The following TTC7A variants were observed in gnomAD, a reference collection of about 807,000 sequenced individuals.
TTC7A encodes tetratricopeptide repeat protein 7A.
A neutral mutation model predicts 103.7 loss-of-function variants in TTC7A; 110 were observed. That is an observed-to-expected ratio of 1.06 (90% CI 0.91 to 1.24). TTC7A has a LOEUF of 1.24. Among genes scored for constraint, TTC7A ranks in the 50% most tolerant of loss-of-function variants. The pLI is 0.00. For synonymous variants in TTC7A, 521 were observed against 467.9 expected, an observed-to-expected ratio of 1.11 and a Z score of -1.47; for missense variants, 1,340 against 1,116.3, an observed-to-expected ratio of 1.20 and a Z score of -2.86.
intron 2 of TTC7A, among the ~76,000 whole-genome samples, chr2:46,953,966 C>G (rs1158485918): frequency 6.6e-6 from 1 of 152,048 alleles, no homozygotes; most frequent in Non-Finnish European, 1.5e-5. Context: ...CCCTGCCAAG[C>G]TCCATCTCTT....
chr2:47,010,881 G>C (rs1677972069), intron 10 of TTC7A, among the ~76,000 whole-genome samples: 2 of 152,222 alleles, frequency 1.3e-5, no homozygotes, highest in African/African-American at 4.8e-5. Context: ...TGTATTTTTA[G>C]TAGAGACGGG....
intron 14 of TTC7A, among the ~76,000 whole-genome samples, chr2:47,027,295 A>G (rs139930190): frequency 2.0e-5 from 3 of 152,296 alleles, no homozygotes; most frequent in Admixed American, 6.5e-5. Flanking sequence ...CTGGACCCAC[A>G]GCACAAGGAG....
At chr2:47,004,484 G>T (rs939054025) in intron 8 of TTC7A, among the ~76,000 whole-genome samples, 2 of 152,198 alleles carry the variant, frequency 1.3e-5, no homozygotes, top group East Asian at 1.9e-4. Flanking sequence ...GGATGGGGTA[G>T]CTCTGATGAG....
intron 15 of TTC7A, among the ~76,000 whole-genome samples, chr2:47,044,962 G>T (rs1221460604): frequency 6.6e-6 from 1 of 152,228 alleles, no homozygotes; most frequent in African/African-American, 2.4e-5. Context: ...GGCCTCACCG[G>T]GTGGCACCTG....
intron 1 of TTC7A, among the ~76,000 whole-genome samples, chr2:46,944,443 A>G (rs1250536028): frequency 7.6e-6 from 1 of 131,110 alleles, no homozygotes; most frequent in African/African-American, 3.0e-5. Context: ...TCAGTGGTAT[A>G]ATTATAGCTT....
intron 15 of TTC7A, chr2:47,045,483 T>A (rs918028665): frequency 2.0e-5 from 3 of 152,214 alleles, no homozygotes; most frequent in African/African-American, 7.2e-5. Flanking sequence ...TCTCAACCAT[T>A]CTAAGGGCCA....
intron 8 of TTC7A, chr2:46,999,445 C>G: frequency 1.0e-6 from 1 of 980,178 alleles, no homozygotes; most frequent in Non-Finnish European, 1.2e-6. Context: ...ATCCATTCAT[C>G]TGTCTATCCA....
chr2:46,934,768 A>AGGTAT (rs1487854491), intron 2 of TTC7A, among the ~76,000 whole-genome samples: 5 of 148,784 alleles, frequency 3.4e-5, no homozygotes, highest in African/African-American at 1.2e-4. Context: ...TCCTGGAATA[A>AGGTAT]GGTATGAAGA....
At chr2:46,956,625 A>G (rs1558506236) in intron 2 of TTC7A, 1 of 583,322 alleles carries the variant, frequency 1.7e-6, no homozygotes, top group Non-Finnish European at 3.1e-6. Context: ...TTAGGGACTC[A>G]TAGGAGAATT....
chr2:46,982,766 C>A (rs985399501), intron 5 of TTC7A, among the ~76,000 whole-genome samples: 7 of 152,118 alleles, frequency 4.6e-5, no homozygotes, highest in African/African-American at 1.7e-4. Context: ...AAGTTTGAGA[C>A]CAGCCTGGAC....
Position 47,073,951 on chromosome 2 carries a change from G to T in TTC7A, c.*28G>T. 6.3e-7 allele frequency: 1 copy of T among 1,586,558 alleles called. No homozygotes were observed. Among genetic ancestry groups the T allele is most frequent in the Non-Finnish European group, 8.6e-7 (1 of 1,162,788 alleles). On this transcript the variant is annotated 3_prime_UTR_variant, in exon 20 of 20. Transcript: ENST00000319190. Reference sequence around the variant, plus strand: ...ACGCTGCAGCCGCAGGGAGGGAGGGGCTGGCCAGAGGGAGAGGCAGCAGGG... The same window carrying T: ...ACGCTGCAGCCGCAGGGAGGGAGGGTCTGGCCAGAGGGAGAGGCAGCAGGG...
At position 47,060,413 on chromosome 2, in the gene TTC7A, G is replaced by T. The variant is rs537438556; in HGVS notation, c.2153-356G>T. Among the ~76,000 whole-genome samples the T allele has an allele frequency of 9.2e-5, 14 of 152,216 alleles. No homozygotes were observed. The South Asian group carries it at 1.5e-3, about 16-fold the overall frequency. Reference sequence around the variant, plus strand: ...TTTTTTAAAAAAAAGGCTGCAGTGAGCCATGGTCATACCAGTGCACTCCAG... The same window carrying T: ...TTTTTTAAAAAAAAGGCTGCAGTGATCCATGGTCATACCAGTGCACTCCAG... On this transcript the variant is annotated intron_variant, in intron 18 of 19. Coordinates refer to ENST00000319190, the MANE Select transcript of TTC7A (RefSeq NM_020458.4).
chr2:46,963,714 C>T (rs756869727), intron 3 of TTC7A, among the ~76,000 whole-genome samples: 4 of 151,216 alleles, frequency 2.6e-5, no homozygotes, highest in Non-Finnish European at 4.4e-5. Flanking sequence ...AGCAGCATGG[C>T]ATCAGGCATA....
upstream of TTC7A, among the ~76,000 whole-genome samples, chr2:46,937,089 C>G (rs1172283440): frequency 1.3e-5 from 2 of 152,120 alleles, no homozygotes; most frequent in African/African-American, 4.8e-5. The surrounding 1 kb of genome is among the most constrained non-coding windows in gnomAD (Gnocchi z 4.0). Flanking sequence ...CTCCTGAGCT[C>G]AAGTGATCTG....
At chr2:47,047,967 G>A (rs1682497624) in intron 16 of TTC7A, among the ~76,000 whole-genome samples, 1 of 152,096 alleles carries the variant, frequency 6.6e-6, no homozygotes, top group South Asian at 2.1e-4. Flanking sequence ...TACACTGAGG[G>A]TAGAATCTAG....
At chr2:46,959,604 C>T (rs1424067423) in intron 3 of TTC7A, among the ~76,000 whole-genome samples, 1 of 152,162 alleles carries the variant, frequency 6.6e-6, no homozygotes, top group Non-Finnish European at 1.5e-5. Flanking sequence ...TCTTCGCCCC[C>T]ACCCTCAAAA....
chr2:46,946,106 G>A (rs987363705), intron 1 of TTC7A, among the ~76,000 whole-genome samples: 19 of 152,218 alleles, frequency 1.2e-4, no homozygotes, highest in African/African-American at 4.1e-4. Flanking sequence ...GGGGCTATAA[G>A]GAAGGTGGGC....
In TTC7A at chr2:47,060,786, C is replaced by G. The variant is rs140166160; in HGVS notation, c.2170C>G (p.Gln724Glu). ...TTTTGCAGCTGAGCTGTTCATGGAG[C>G]AGCAGCACCTCAAGGAAGCAGGTTT... Reference protein sequence around the residue: ...WLQAAELFMEQQHLKEAGFCI... With the variant: ...WLQAAELFMEEQHLKEAGFCI... The change falls in exon 19 of 20, where the codon CAG (glutamine) becomes GAG (glutamate). Residue 724 changes from glutamine to glutamate, a missense_variant. Physicochemically the swap from Gln to Glu is conservative, Grantham distance 29. Transcript: ENST00000319190. 6.2e-7 allele frequency: 1 copy of G among 1,609,966 alleles called. No individual in the cohort carries two copies. The highest frequency in any genetic ancestry group is 1.1e-5 in the South Asian group (1 of 90,702).
intron 2 of TTC7A, among the ~76,000 whole-genome samples, chr2:46,922,639 C>T (rs1280593677): frequency 6.6e-6 from 1 of 152,102 alleles, no homozygotes; most frequent in Non-Finnish European, 1.5e-5. Flanking sequence ...GTACTTCAAT[C>T]CCTGAAGGTG....
Sources: gnomAD v4.1 joint callset for allele counts (sites outside exome capture counted in the v4.1 genomes callset) on GRCh38, gnomAD v4.1.1 for gene constraint, Gnocchi (gnomAD v3.1) non-coding constraint, MANE v1.5 for transcripts, NCBI Gene and HGNC (gene_info 2026-07-23, HGNC 2026-07-21) for gene names.